The following MAPK10 variants were observed in gnomAD, a reference collection of about 807,000 sequenced individuals.
MAPK10 encodes the protein mitogen-activated protein kinase 10.
MAPK10 carries 25 observed loss-of-function variants against 59.3 expected under a neutral mutation model. The ratio of observed to expected loss-of-function variants is 0.42; its 90% CI spans 0.31 to 0.59. The LOEUF (loss-of-function observed/expected upper bound fraction) is 0.59. Among genes scored for constraint, MAPK10 ranks in the 20% least tolerant of loss-of-function variants. The pLI is 0.15. For synonymous variants in MAPK10, 190 were observed against 200.5 expected, an observed-to-expected ratio of 0.95 and a Z score of 0.44; for missense variants, 351 against 568.9, an observed-to-expected ratio of 0.62 and a Z score of 3.90.
At chr4:86,453,564 AC>A (rs1201843113), upstream of MAPK10, 2 of 97,480 alleles carry the variant, frequency 2.1e-5, no homozygotes, top group East Asian at 3.6e-4. Context: ...TGGGAACCTC[AC>A]CCCCACCCCC....
At chr4:86,123,183 A>T (rs2059537996) in intron 4 of MAPK10, among the ~76,000 whole-genome samples, 1 of 152,128 alleles carries the variant, frequency 6.6e-6, no homozygotes. Context: ...TTTCCTTAAC[A>T]TAAAGTCCTC....
At chr4:86,359,486 A>G (rs1736368819) in intron 1 of MAPK10, among the ~76,000 whole-genome samples, 172 bp downstream of exon 1, 1 of 151,998 alleles carries the variant, frequency 6.6e-6, no homozygotes, top group African/African-American at 2.4e-5. Flanking sequence ...GCACAGAGGG[A>G]AAAACTGGTA....
chr4:86,561,349 T>A (rs998053738), intron 1 of MAPK10, among the ~76,000 whole-genome samples: 7 of 152,188 alleles, frequency 4.6e-5, no homozygotes, highest in African/African-American at 1.4e-4. Context: ...ATATAATGCT[T>A]ATTAGAAGTA....
At chr4:86,529,196 C>G (rs1031809136) in intron 1 of MAPK10, among the ~76,000 whole-genome samples, 4 of 152,218 alleles carry the variant, frequency 2.6e-5, no homozygotes, top group Admixed American at 6.5e-5. Flanking sequence ...AGAGGTGGCT[C>G]TAAGTTTTCC....
chr4:86,490,095 A>G (rs781762646), intron 1 of MAPK10, among the ~76,000 whole-genome samples: 7 of 152,330 alleles, frequency 4.6e-5, no homozygotes, highest in Admixed American at 1.3e-4. Flanking sequence ...AGTTAAATTC[A>G]TACAATAAAT....
At chr4:86,183,575 T>C (rs1308781914) in intron 3 of MAPK10, among the ~76,000 whole-genome samples, 2 of 152,106 alleles carry the variant, frequency 1.3e-5, no homozygotes, top group Non-Finnish European at 2.9e-5. Context: ...GTCTTTGCTA[T>C]TGTGAATAGT....
At chr4:86,186,574 A>G (rs537842297) in intron 3 of MAPK10, among the ~76,000 whole-genome samples, 2 of 152,240 alleles carry the variant, frequency 1.3e-5, no homozygotes, top group Non-Finnish European at 2.9e-5. Context: ...AAATAAAGCA[A>G]AAGAGTTATT....
At chr4:86,089,334 A>C in intron 9 of MAPK10, 1 of 1,195,530 alleles carries the variant, frequency 8.4e-7, no homozygotes, top group Non-Finnish European at 1.2e-6. Context: ...ACAACAAATA[A>C]ATGAAAACAC....
Position 86,194,391 on chromosome 4 carries a change from T to C in MAPK10, c.11A>G (p.His4Arg), listed in dbSNP as rs762893002. The change falls in exon 3 of 14, where the codon CAT (histidine) becomes CGT (arginine). Residue 4 changes from histidine to arginine, a missense_variant. His to Arg is a conservative substitution (Grantham distance 29). Coordinates refer to ENST00000641462, the MANE Select transcript of MAPK10 (RefSeq NM_138982.4). MSL[H>R]FLYYCSEPTL... ...TGGTTCACTGCAGTAGTATAAGAAA[T>C]GGAGGCTCATAAATACCTAGAGGAA... The C allele has an allele frequency of 1.1e-5, 18 of 1,607,564 alleles. No homozygotes were observed. In the East Asian group the frequency reaches 3.6e-4, roughly 32 times the overall value.
At chr4:86,397,883 A>C (rs901904035) in intron 1 of MAPK10, among the ~76,000 whole-genome samples, 1 of 151,522 alleles carries the variant, frequency 6.6e-6, no homozygotes, top group African/African-American at 2.4e-5. Context: ...AAAAAAAAAA[A>C]AAAAAAACTG....
At chr4:86,201,248 C>A (rs1269638688) in intron 2 of MAPK10, among the ~76,000 whole-genome samples, 1 of 151,858 alleles carries the variant, frequency 6.6e-6, no homozygotes, top group African/African-American at 2.4e-5. Flanking sequence ...ATCCATTCTT[C>A]TGCTGATAAA....
intron 2 of MAPK10, among the ~76,000 whole-genome samples, chr4:86,317,557 C>T (rs10028202): frequency 1.3e-5 from 2 of 152,206 alleles, no homozygotes; most frequent in Admixed American, 1.3e-4. Flanking sequence ...CTATAAATTC[C>T]TTTAGAGTTC....
intron 2 of MAPK10, among the ~76,000 whole-genome samples, chr4:86,264,561 C>T (rs2094145871): frequency 6.6e-6 from 1 of 152,204 alleles, no homozygotes; most frequent in Admixed American, 6.5e-5. Context: ...TCTAGTCCCC[C>T]ACAATGAAGT....
At chr4:86,444,525 A>G (rs991315949) in intron 1 of MAPK10, among the ~76,000 whole-genome samples, 2 of 152,124 alleles carry the variant, frequency 1.3e-5, no homozygotes, top group Non-Finnish European at 2.9e-5. Context: ...ATTTTATGAC[A>G]AAATCACCAA....
At chr4:86,156,893 T>C (rs2067942903) in intron 4 of MAPK10, among the ~76,000 whole-genome samples, 1 of 152,060 alleles carries the variant, frequency 6.6e-6, no homozygotes, top group Non-Finnish European at 1.5e-5. Context: ...TACGAGGCTG[T>C]AGAGAACTTC....
intron 1 of MAPK10, among the ~76,000 whole-genome samples, chr4:86,471,039 C>T (rs370228865): frequency 4.6e-5 from 7 of 152,096 alleles, no homozygotes; most frequent in East Asian, 1.9e-4. Context: ...GGGAGGCTGA[C>T]GTGGGTGGAT....
At chr4:86,105,427 T>C (rs1040681445) in intron 5 of MAPK10, among the ~76,000 whole-genome samples, 18 of 152,136 alleles carry the variant, frequency 1.2e-4, no homozygotes, top group Non-Finnish European at 2.5e-4. Context: ...TTAGGCTTCA[T>C]AAATATGAGT....
intron 3 of MAPK10, among the ~76,000 whole-genome samples, chr4:86,177,350 C>T (rs1208860885): frequency 6.6e-6 from 1 of 152,028 alleles, no homozygotes; most frequent in Admixed American, 6.6e-5. Flanking sequence ...TTTCCTTTGC[C>T]CTGCTCTGCC....
chr4:86,373,532 G>A (rs1451782124), intron 1 of MAPK10, among the ~76,000 whole-genome samples: 1 of 152,138 alleles, frequency 6.6e-6, no homozygotes, highest in Non-Finnish European at 1.5e-5. Context: ...CTAATATCCT[G>A]AATCTACAAG....
Sources: allele counts gnomAD v4.1 joint callset (sites outside exome capture counted in the v4.1 genomes callset), GRCh38; gene constraint gnomAD v4.1.1; transcripts MANE v1.5; gene names NCBI Gene and HGNC (gene_info 2026-07-23, HGNC 2026-07-21).